Variants in SGPL1 observed in about 807,000 individuals in gnomAD.
SGPL1 encodes SP-lyase 1.
Under a neutral mutation model 68.9 loss-of-function variants are expected in SGPL1, and 37 were observed. That is an observed-to-expected ratio of 0.54 (90% CI 0.41 to 0.71). SGPL1 has a LOEUF of 0.71. Ranked by LOEUF, SGPL1 falls within the 30% of genes least tolerant of loss-of-function variation. The pLI is 0.00. For synonymous variants in SGPL1, 236 were observed against 248.5 expected, an observed-to-expected ratio of 0.95 and a Z score of 0.47; for missense variants, 551 against 704.6, an observed-to-expected ratio of 0.78 and a Z score of 2.47.
At chr10:70,822,267 G>C (rs76148506) in intron 2 of SGPL1, among the ~76,000 whole-genome samples, 8,525 of 152,228 alleles carry the variant, frequency 0.056, 287 homozygotes, top group Non-Finnish European at 0.064. Flanking sequence ...GATGAACACT[G>C]TATTTGGCAA....
intron 7 of SGPL1, among the ~76,000 whole-genome samples, chr10:70,863,289 CTT>C (rs35676112): frequency 0.3 from 35,223 of 117,764 alleles, 4,752 homozygotes; most frequent in South Asian, 0.47. Context: ...GCTTGGCCGT[CTT>C]TTTTTTTTTT....
intron 2 of SGPL1, among the ~76,000 whole-genome samples, chr10:70,835,007 A>G (rs1205427190): frequency 7.1e-6 from 1 of 140,736 alleles, no homozygotes; most frequent in Admixed American, 7.5e-5. Flanking sequence ...GAGTCCAGTT[A>G]CAGATAACCA....
At chr10:70,852,705 T>C (rs1845904157) in intron 4 of SGPL1, among the ~76,000 whole-genome samples, 1 of 108,522 alleles carries the variant, frequency 9.2e-6, no homozygotes, top group African/African-American at 3.7e-5. Context: ...TACATGTGTG[T>C]ATGTGTGTGT....
chr10:70,873,117 GCT>G (rs1846323049), intron 11 of SGPL1, among the ~76,000 whole-genome samples: 1 of 152,144 alleles, frequency 6.6e-6, no homozygotes, highest in African/African-American at 2.4e-5. Flanking sequence ...TTAACTGGGC[GCT>G]GTTCTTCCCT....
chr10:70,856,036 C>G (rs1845958382), intron 5 of SGPL1, among the ~76,000 whole-genome samples: 1 of 152,074 alleles, frequency 6.6e-6, no homozygotes, highest in African/African-American at 2.4e-5. Flanking sequence ...ACTGTGTTGC[C>G]CAGGCTGGAA....
At chr10:70,865,790 G>A (rs1001016955) in intron 7 of SGPL1, among the ~76,000 whole-genome samples, 1 of 152,202 alleles carries the variant, frequency 6.6e-6, no homozygotes. Context: ...CATACTAAAA[G>A]AAATTAGGTT....
intron 2 of SGPL1, among the ~76,000 whole-genome samples, chr10:70,826,963 G>A (rs1184675628): frequency 1.3e-5 from 2 of 152,138 alleles, no homozygotes; most frequent in Non-Finnish European, 2.9e-5. Context: ...TTTCCAATTT[G>A]AGGCTTTTTC....
At chr10:70,823,034 A>T (rs1845369040) in intron 2 of SGPL1, among the ~76,000 whole-genome samples, 1 of 151,516 alleles carries the variant, frequency 6.6e-6, no homozygotes, top group Non-Finnish European at 1.5e-5. Context: ...GGCAAAAAGG[A>T]AACTGTACCT....
chr10:70,857,686 T>G lies in SGPL1; in HGVS notation c.482T>G (p.Val161Gly). Residue 161 changes from valine (V) to glycine (G), a missense_variant, in exon 6 of 15, where the codon GTG becomes GGG. Transcript: ENST00000373202. ...SGEEKLTELLVKAYGDFAWSN... is the reference protein window; with the variant it reads ...SGEEKLTELLGKAYGDFAWSN... Reference sequence around the variant, plus strand: ...GAGGAGAAGCTCACTGAGCTCCTTGTGAAGGTGAGTGTCCAGTTCTTGAGG... The same window carrying G: ...GAGGAGAAGCTCACTGAGCTCCTTGGGAAGGTGAGTGTCCAGTTCTTGAGG... 6.2e-7 allele frequency: 1 copy of G among 1,608,614 alleles called. No homozygotes were observed. The highest frequency in any genetic ancestry group is 8.5e-7 in the Non-Finnish European group (1 of 1,176,244).
intron 7 of SGPL1, among the ~76,000 whole-genome samples, chr10:70,861,567 C>G (rs959893933): frequency 6.6e-6 from 1 of 152,228 alleles, no homozygotes; most frequent in Non-Finnish European, 1.5e-5. Flanking sequence ...TTCAGCCCAC[C>G]GCTGCACTGT....
chr10:70,827,438 T>C (rs1461880133), intron 2 of SGPL1, among the ~76,000 whole-genome samples: 1 of 152,218 alleles, frequency 6.6e-6, no homozygotes, highest in African/African-American at 2.4e-5. Flanking sequence ...GATTTAAAAT[T>C]GTTACATCTT....
chr10:70,817,177 G>A (rs1353957371), intron 2 of SGPL1, among the ~76,000 whole-genome samples: 1 of 151,992 alleles, frequency 6.6e-6, no homozygotes, highest in Non-Finnish European at 1.5e-5. Context: ...ACGCCACCAC[G>A]CCCGGCTAAT....
At chr10:70,848,335 T>C (rs1845822547) in intron 3 of SGPL1, among the ~76,000 whole-genome samples, 1 of 152,100 alleles carries the variant, frequency 6.6e-6, no homozygotes, top group South Asian at 2.1e-4. Flanking sequence ...TTTGTTAAAC[T>C]TAAAATTCTT....
chr10:70,826,177 T>C (rs1845432584), intron 2 of SGPL1, among the ~76,000 whole-genome samples: 1 of 152,022 alleles, frequency 6.6e-6, no homozygotes, highest in Non-Finnish European at 1.5e-5. Flanking sequence ...AGAGTGAGAC[T>C]CTCTCAAAAA....
chr10:70,851,296 G>A (rs989144080), intron 4 of SGPL1, 86 bp downstream of exon 4: 22 of 1,167,288 alleles, frequency 1.9e-5, no homozygotes, highest in Non-Finnish European at 5.1e-6. Flanking sequence ...TATTCTCAAA[G>A]TGGAGGGGTG....
intron 2 of SGPL1, among the ~76,000 whole-genome samples, chr10:70,828,194 T>C (rs1429556985): frequency 6.6e-6 from 1 of 151,626 alleles, no homozygotes; most frequent in Non-Finnish European, 1.5e-5. Flanking sequence ...CTACCAGAGT[T>C]TTAATATATA....
In SGPL1 at chr10:70,871,824, T is replaced by G. The variant is rs762161005; in HGVS notation, c.910-13T>G. The G allele has an allele frequency of 1.2e-6, 2 of 1,612,130 alleles. No homozygotes were observed. The highest frequency in any genetic ancestry group is 1.7e-5 in the Admixed American group (1 of 59,646). The stretch of plus-strand genomic sequence containing the variant: ...AAGGAAATTCTCTTATGTTCTTTGT[T>G]TTTTGGAACAAGCTGGCTGTCAAAT... On this transcript the variant is annotated splice_polypyrimidine_tract_variant and intron_variant, in intron 10 of 14. Coordinates refer to ENST00000373202, the MANE Select transcript of SGPL1 (RefSeq NM_003901.4).
intron 4 of SGPL1, among the ~76,000 whole-genome samples, chr10:70,851,867 C>T (rs1405545663): frequency 6.6e-6 from 1 of 152,146 alleles, no homozygotes; most frequent in Non-Finnish European, 1.5e-5. Flanking sequence ...TCAGGTAGGC[C>T]TTTGTTGGTT....
At position 70,857,525 on chromosome 10, in the gene SGPL1, A is replaced by C. The variant is rs530969222; in HGVS notation, c.410-89A>C. ...CTCAACATTTTTTTCTTTTGTATCC[A>C]GAGGAGTTTCTTCCTGTTTCTTCTT... On this transcript the variant is annotated intron_variant, in intron 5 of 14. Coordinates refer to ENST00000373202, the MANE Select transcript of SGPL1 (RefSeq NM_003901.4). 3 of 1,035,306 alleles carry C rather than the reference A, an allele frequency of 2.9e-6. No individual in the cohort carries two copies. In the Admixed American group the frequency reaches 5.4e-5, roughly 19 times the overall value. 64.1% of individuals were successfully genotyped at this position (1,035,306 alleles called of 1,614,324 possible).
Sources: gnomAD v4.1 joint callset for allele counts (sites outside exome capture counted in the v4.1 genomes callset) on GRCh38, gnomAD v4.1.1 for gene constraint, MANE v1.5 for transcripts, NCBI Gene and HGNC (gene_info 2026-07-23, HGNC 2026-07-21) for gene names.